AHSA1: variants seen among roughly 807,000 people sequenced by gnomAD.
AHSA1 encodes activator of 90 kDa heat shock protein ATPase homolog 1.
AHSA1 carries 14 observed loss-of-function variants against 46.1 expected under a neutral mutation model. The ratio of observed to expected loss-of-function variants is 0.30; its 90% CI spans 0.20 to 0.47. The LOEUF (loss-of-function observed/expected upper bound fraction) is 0.47. Among genes scored for constraint, AHSA1 ranks in the 20% least tolerant of loss-of-function variants. AHSA1 has a pLI of 0.99. For missense variants in AHSA1, 333 were observed against 415.9 expected, an observed-to-expected ratio of 0.80 and a Z score of 1.73; for synonymous variants, 147 against 145.8, an observed-to-expected ratio of 1.01 and a Z score of -0.06.
At chr14:77,458,507 C>A (rs1364648381) in intron 1 of AHSA1, among the ~76,000 whole-genome samples, 11 of 152,322 alleles carry the variant, frequency 7.2e-5, no homozygotes, top group African/African-American at 2.6e-4. Flanking sequence ...GGAGGGTTGT[C>A]AGAGAGACTA....
chr14:77,466,567 C>A (rs1273363276), intron 6 of AHSA1: 1 of 152,226 alleles, frequency 6.6e-6, no homozygotes, highest in African/African-American at 2.4e-5. Context: ...TTAAGAGGTA[C>A]CATGTAGTAT....
At chr14:77,468,745 T>TTTTTTTTTTTTTTTTTTTTTTTTTTG in intron 8 of AHSA1, 1 of 354,448 alleles carries the variant, frequency 2.8e-6, no homozygotes, top group South Asian at 4.0e-5. Flanking sequence ...TTTTTTTTTT[T>TTTTTTTTTTTTTTTTTTTTTTTTTTG]ACTTTTTTAC....
intron 2 of AHSA1, among the ~76,000 whole-genome samples, chr14:77,461,814 C>A (rs998878172): frequency 6.6e-6 from 1 of 152,178 alleles, no homozygotes; most frequent in Non-Finnish European, 1.5e-5. Context: ...AAATTGTTCC[C>A]TAATATTTCA....
rs1447489435 is a variant in AHSA1 at position 77,458,281 on chromosome 14, A to G, written c.80+12A>G. On this transcript the variant is annotated intron_variant, in intron 1 of 8. Coordinates refer to ENST00000216479, the MANE Select transcript of AHSA1 (RefSeq NM_012111.3). ...AACAACTGGCACTGGTGAGGGCCAG[A>G]AAAGCAGGCCGGCCTTGGGAGACCT... The G allele has an allele frequency of 1.3e-6, 2 of 1,544,446 alleles. No individual in the cohort carries two copies. The highest frequency in any genetic ancestry group is 2.5e-5 in the East Asian group (1 of 39,952).
In AHSA1 at chr14:77,463,861, T is replaced by C. The variant is rs371140179; in HGVS notation, c.473-737T>C. Among the ~76,000 whole-genome samples, 57 of 152,326 alleles carry C rather than the reference T, an allele frequency of 3.7e-4. No homozygotes were observed. The Middle Eastern group carries it at 0.014, about 36-fold the overall frequency. ...GTGATGGAAGGTGATAGACACCTTT[T>C]TGGGGAGGACCAGTACACCAGTGCC... On this transcript the variant is annotated intron_variant, in intron 4 of 8. Coordinates refer to ENST00000216479, the MANE Select transcript of AHSA1 (RefSeq NM_012111.3).
intron 2 of AHSA1, among the ~76,000 whole-genome samples, chr14:77,461,778 G>T (rs1013501196): frequency 5.9e-5 from 9 of 152,190 alleles, no homozygotes; most frequent in Admixed American, 3.9e-4. Flanking sequence ...TCACATATAA[G>T]CAAACATGAA....
At position 77,459,741 on chromosome 14, in the gene AHSA1, C is replaced by G. The variant is rs2079013542; in HGVS notation, c.206C>G (p.Ser69Cys). The change falls in exon 2 of 9, where the codon TCC (serine) becomes TGC (cysteine). Residue 69 changes from serine (S) to cysteine (C), a missense_variant. By Grantham distance (112) the Ser-to-Cys change is moderately radical. Transcript: ENST00000216479. ...GTGAGTAAGCTTGATGGAGAGGCAT[C>G]CATTAACAATCGCAAAGGGAAACTT... ...TEVSKLDGEA[S>C]INNRKGKLIF... 1 of 1,614,158 alleles carries G rather than the reference C, an allele frequency of 6.2e-7. No individual in the cohort carries two copies. Among genetic ancestry groups the G allele is most frequent in the South Asian group, 1.1e-5 (1 of 91,080 alleles).
Position 77,462,658 on chromosome 14 carries a change from C to T in AHSA1, c.371C>T (p.Ala124Val). The change falls in exon 4 of 9, where the codon GCC becomes GTC. Residue 124 changes from alanine (A) to valine (V), a missense_variant. Coordinates refer to ENST00000216479, the MANE Select transcript of AHSA1 (RefSeq NM_012111.3). ...VDEVEISVSL[A>V]KDEPDTNLVA... ...TTCACCCAGATTAGTGTGAGCCTTGCCAAAGATGAGCCTGACACAAATCTC... is the reference window on the plus strand; with the variant it reads ...TTCACCCAGATTAGTGTGAGCCTTGTCAAAGATGAGCCTGACACAAATCTC... The T allele has an allele frequency of 3.1e-6, 5 of 1,614,108 alleles. No homozygotes were observed. Among genetic ancestry groups the T allele is most frequent in the Non-Finnish European group, 4.2e-6 (5 of 1,180,002 alleles).
rs2079013385 is a variant in AHSA1, at chr14:77,459,709, G to A, written c.174G>A (p.Val58=). The change falls in exon 2 of 9, where the codon GTG becomes GTA. Residue 58 remains valine (V), a synonymous_variant. Coordinates refer to ENST00000216479, the MANE Select transcript of AHSA1 (RefSeq NM_012111.3). ...AAAATGAAGAAGGCAAGTGTGAGGT[G>A]ACGGAAGTGAGTAAGCTTGATGGAG... ...QVQNEEGKCE[V]TEVSKLDGEA... is the part of the protein sequence containing the mutation. The A allele has an allele frequency of 6.2e-7, 1 of 1,614,104 alleles. No homozygotes were observed. Among genetic ancestry groups the A allele is most frequent in the African/African-American group, 1.3e-5 (1 of 74,932 alleles).
chr14:77,467,115 T>C (rs1476229054), intron 6 of AHSA1, among the ~76,000 whole-genome samples: 1 of 151,990 alleles, frequency 6.6e-6, no homozygotes, highest in Non-Finnish European at 1.5e-5. Flanking sequence ...ATATATGGAG[T>C]AGGCCAGGCA....
intron 5 of AHSA1, among the ~76,000 whole-genome samples, chr14:77,465,159 C>T (rs769465992): frequency 1.3e-5 from 2 of 152,136 alleles, no homozygotes; most frequent in Non-Finnish European, 2.9e-5. Flanking sequence ...TGGTTTAGAG[C>T]CCTGTTGCTC....
At chr14:77,465,808 T>C (rs2079045633) in intron 6 of AHSA1, 141 bp downstream of exon 6, 7 of 848,136 alleles carry the variant, frequency 8.3e-6, no homozygotes, top group African/African-American at 1.7e-5. Flanking sequence ...CAAAGTGAAT[T>C]TTTCCCTCCC....
Position 77,462,195 on chromosome 14 carries a change from G to A in AHSA1, c.307G>A (p.Val103Met). 6.2e-7 allele frequency: 1 copy of A among 1,613,846 alleles called. No homozygotes were observed. The highest frequency in any genetic ancestry group is 8.5e-7 in the Non-Finnish European group (1 of 1,179,688). The change falls in exon 3 of 9, where the codon GTG becomes ATG. Residue 103 changes from valine to methionine, a missense_variant. By Grantham distance (21) the Val-to-Met change is conservative (BLOSUM62 1). Coordinates refer to ENST00000216479, the MANE Select transcript of AHSA1 (RefSeq NM_012111.3). ...GTCAGGAGTACAATACAAAGGACAT[G>A]TGGAGATCCCCAATTTGTCTGATGA... Reference protein sequence around the residue: ...SKSGVQYKGHVEIPNLSDENS... With the variant: ...SKSGVQYKGHMEIPNLSDENS...
chr14:77,463,551 A>T (rs1337760158), intron 4 of AHSA1, among the ~76,000 whole-genome samples: 1 of 145,850 alleles, frequency 6.9e-6, no homozygotes, highest in African/African-American at 2.6e-5. Context: ...GCGCCATTGC[A>T]CTCCAGCCTG....
chr14:77,464,066 G>C (rs1027636636), intron 4 of AHSA1, among the ~76,000 whole-genome samples: 2 of 152,242 alleles, frequency 1.3e-5, no homozygotes, highest in Non-Finnish European at 2.9e-5. Context: ...TTCCAGTTGA[G>C]TCAGGATAAG....
intron 2 of AHSA1, 118 bp downstream of exon 2, chr14:77,459,924 C>A: frequency 9.0e-7 from 1 of 1,113,304 alleles, no homozygotes; most frequent in Non-Finnish European, 1.3e-6. Flanking sequence ...GATGTTGCTG[C>A]TTTGGAGTCC....
chr14:77,461,007 A>G (rs937267951), intron 2 of AHSA1, among the ~76,000 whole-genome samples: 1 of 151,754 alleles, frequency 6.6e-6, no homozygotes, highest in African/African-American at 2.4e-5. Context: ...AAAATACAAA[A>G]AATTAGCCCG....
chr14:77,468,084 T>G lies in AHSA1; in HGVS notation c.692T>G (p.Leu231Arg). The change falls in exon 7 of 9, where the codon CTG (leucine) becomes CGG (arginine). Residue 231 changes from leucine (L) to arginine (R), a missense_variant and splice_region_variant. Physicochemically the swap from Leu to Arg is moderately radical, Grantham distance 102. Coordinates refer to ENST00000216479, the MANE Select transcript of AHSA1 (RefSeq NM_012111.3). ...TTTTTTTTTTTTTTTTCCCTGCAGC[T>G]GGTGCAGGCCTTTACCCATGCTCCT... is the stretch of plus-strand genomic sequence containing the variant. ...ELYRVFTTQELVQAFTHAPAT... is the reference protein window; with the variant it reads ...ELYRVFTTQERVQAFTHAPAT... 4.8e-6 allele frequency: 5 copies of G among 1,042,034 alleles called. No individual in the cohort carries two copies. Among genetic ancestry groups the G allele is most frequent in the Non-Finnish European group, 6.8e-6 (5 of 731,864 alleles). The allele number at this position is 1,042,034 out of a possible 1,614,324, so 64.5% of individuals were successfully genotyped here.
intron 1 of AHSA1, 117 bp from the exon 2 acceptor site, chr14:77,459,499 A>C: frequency 1.0e-6 from 1 of 998,626 alleles, no homozygotes; most frequent in East Asian, 2.4e-5. Flanking sequence ...TGCGACTGGG[A>C]GTTTTTGTGT....
Sources: allele counts gnomAD v4.1 joint callset (sites outside exome capture counted in the v4.1 genomes callset), GRCh38; gene constraint gnomAD v4.1.1; transcripts MANE v1.5; gene names NCBI Gene and HGNC (gene_info 2026-07-23, HGNC 2026-07-21).